The following CLSTN2 variants were observed in gnomAD, a reference collection of about 807,000 sequenced individuals.
CLSTN2 encodes the protein calsyntenin 2, also known as calsyntenin-2.
CLSTN2 carries 48 observed loss-of-function variants against 101.2 expected under a neutral mutation model. The ratio of observed to expected loss-of-function variants is 0.47; its 90% CI spans 0.38 to 0.60. The LOEUF (loss-of-function observed/expected upper bound fraction) is 0.60, where lower values mean the gene tolerates loss of function less well. Among genes scored for constraint, CLSTN2 ranks in the 20% least tolerant of loss-of-function variants. CLSTN2 has a pLI of 0.00. For missense variants in CLSTN2, 1,160 were observed against 1,238.2 expected, an observed-to-expected ratio of 0.94 and a Z score of 0.95; for synonymous variants, 481 against 463.6, an observed-to-expected ratio of 1.04 and a Z score of -0.48.
At chr3:140,406,288 G>T (rs956165534) in intron 4 of CLSTN2, among the ~76,000 whole-genome samples, 3 of 152,170 alleles carry the variant, frequency 2.0e-5, no homozygotes, top group African/African-American at 7.2e-5. Context: ...TAGAAGTGAA[G>T]GAGACACTCT....
intron 2 of CLSTN2, among the ~76,000 whole-genome samples, chr3:140,297,132 T>C (rs2087012292): frequency 6.6e-6 from 1 of 152,248 alleles, no homozygotes; most frequent in African/African-American, 2.4e-5. Flanking sequence ...TTTTTTTGAC[T>C]AAGAAACATC....
intron 2 of CLSTN2, among the ~76,000 whole-genome samples, chr3:140,374,294 TCC>T (rs1184642492): frequency 2.6e-5 from 4 of 152,184 alleles, no homozygotes; most frequent in Non-Finnish European, 4.4e-5. Flanking sequence ...TCCCATCTCC[TCC>T]TCCTTTTTTT....
At position 140,421,264 on chromosome 3, in the gene CLSTN2, T is replaced by C; in HGVS notation, c.777T>C (p.Pro259=). The change falls in exon 5 of 17, where the codon CCT becomes CCC. Residue 259 remains proline, a synonymous_variant. Coordinates refer to ENST00000458420, the MANE Select transcript of CLSTN2 (RefSeq NM_022131.3). ...TGGATGTGAAGCCAGTTTGCAAGCCTGGCTGGCAAGGTGGGCCTGTTTTAT... is the reference window on the plus strand; with the variant it reads ...TGGATGTGAAGCCAGTTTGCAAGCCCGGCTGGCAAGGTGGGCCTGTTTTAT... The part of the protein sequence containing the change: ...VQVDVKPVCK[P]GWQDWTKRIE... The C allele has an allele frequency of 6.2e-7, 1 of 1,614,160 alleles. No individual in the cohort carries two copies. The highest frequency in any genetic ancestry group is 1.1e-5 in the South Asian group (1 of 91,074).
chr3:140,300,803 G>GAT (rs60965465), intron 2 of CLSTN2, among the ~76,000 whole-genome samples: 25,489 of 151,424 alleles, frequency 0.17, 2,472 homozygotes, highest in East Asian at 0.37. Context: ...ACCAGTAGGC[G>GAT]ATATATATAT....
chr3:140,248,731 C>T (rs2086537938), intron 2 of CLSTN2, among the ~76,000 whole-genome samples: 2 of 152,164 alleles, frequency 1.3e-5, no homozygotes, highest in Non-Finnish European at 2.9e-5. Flanking sequence ...AGAATTCCTC[C>T]AGTTGAGTGC....
chr3:140,231,304 G>A (rs547673436), intron 2 of CLSTN2, among the ~76,000 whole-genome samples: 5 of 152,096 alleles, frequency 3.3e-5, no homozygotes, highest in Non-Finnish European at 5.9e-5. Flanking sequence ...CATCTACTGC[G>A]GGAGTTCCAT....
At chr3:140,038,425 G>A (rs556790616) in intron 1 of CLSTN2, among the ~76,000 whole-genome samples, 1 of 151,812 alleles carries the variant, frequency 6.6e-6, no homozygotes, top group South Asian at 2.1e-4. Flanking sequence ...TAAGTTCCTT[G>A]TAGACTCTGG....
intron 2 of CLSTN2, among the ~76,000 whole-genome samples, chr3:140,262,260 T>A (rs1475615631): frequency 6.6e-6 from 1 of 152,118 alleles, no homozygotes; most frequent in African/African-American, 2.4e-5. Context: ...AAGCTCAGCA[T>A]GTGAGTGGTG....
chr3:140,035,891 A>G (rs535366971), intron 1 of CLSTN2, among the ~76,000 whole-genome samples: 2 of 152,164 alleles, frequency 1.3e-5, no homozygotes, highest in East Asian at 3.9e-4. Flanking sequence ...CTACCTTTGG[A>G]GCTCTTTTCT....
rs34255504 is a variant in CLSTN2, at chr3:140,411,137, T to C, written c.637+6371T>C. Among the ~76,000 whole-genome samples the C allele has an allele frequency of 6.4e-3, 973 of 152,298 alleles. 8 individuals are homozygous for C. The highest frequency in any genetic ancestry group is 0.018 in the African/African-American group (750 of 41,578). On this transcript the variant is annotated intron_variant, in intron 4 of 16. Transcript: ENST00000458420. ...GACTAAATGCATCTATCAAAAGGCATAGAGTGGATCAAACAAGACCCAACT... is the reference window on the plus strand; with the variant it reads ...GACTAAATGCATCTATCAAAAGGCACAGAGTGGATCAAACAAGACCCAACT...
intron 10 of CLSTN2, among the ~76,000 whole-genome samples, chr3:140,553,793 T>C (rs6778832): frequency 1.6e-4 from 24 of 152,048 alleles, no homozygotes; most frequent in African/African-American, 5.8e-4. Context: ...GTCATGTGAC[T>C]CTGGCCACCT....
chr3:140,251,855 TG>T (rs1313104475), intron 2 of CLSTN2, among the ~76,000 whole-genome samples: 1 of 151,934 alleles, frequency 6.6e-6, no homozygotes, highest in African/African-American at 2.4e-5. Flanking sequence ...GTGTGGAGCC[TG>T]AAAGAAAGGA....
chr3:140,220,297 T>C (rs2107852306), intron 2 of CLSTN2, among the ~76,000 whole-genome samples: 1 of 152,322 alleles, frequency 6.6e-6, no homozygotes, highest in South Asian at 2.1e-4. Flanking sequence ...CAATCCTATA[T>C]ATGTCAGTAT....
At chr3:140,445,839 G>A (rs578172650) in intron 5 of CLSTN2, among the ~76,000 whole-genome samples, 3 of 152,278 alleles carry the variant, frequency 2.0e-5, no homozygotes, top group South Asian at 2.1e-4. Flanking sequence ...CCACTAGTGA[G>A]CATCTACTCT....
chr3:140,494,710 C>T (rs1013057808), intron 8 of CLSTN2, among the ~76,000 whole-genome samples: 2 of 152,088 alleles, frequency 1.3e-5, no homozygotes, highest in Non-Finnish European at 2.9e-5. Context: ...TGAGAACATG[C>T]ATGTTTTGTT....
intron 1 of CLSTN2, among the ~76,000 whole-genome samples, chr3:139,998,731 G>C (rs1485407760): frequency 6.6e-6 from 1 of 152,034 alleles, no homozygotes; most frequent in Non-Finnish European, 1.5e-5. Context: ...CATAAATCAA[G>C]ACCAGGGCAG....
Position 140,558,678 on chromosome 3 carries a change from T to C in CLSTN2, c.1862T>C (p.Val621Ala). ...GEDVCISIPE[V>A]DAYVMVLQAI... is the part of the protein sequence containing the mutation. ...GACGTATGCATCAGTATCCCTGAGG[T>C]AGATGCCTATGTGATGGTCCTCCAG... The change falls in exon 12 of 17, where the codon GTA becomes GCA. Residue 621 changes from valine (V) to alanine (A), a missense_variant. Val to Ala is a moderately conservative substitution (Grantham distance 64, BLOSUM62 0). Coordinates refer to ENST00000458420, the MANE Select transcript of CLSTN2 (RefSeq NM_022131.3). The C allele has an allele frequency of 6.2e-7, 1 of 1,613,944 alleles. No homozygotes were observed. Among genetic ancestry groups the C allele is most frequent in the Non-Finnish European group, 8.5e-7 (1 of 1,179,984 alleles).
intron 2 of CLSTN2, among the ~76,000 whole-genome samples, chr3:140,286,646 C>A (rs2107900188): frequency 6.6e-6 from 1 of 152,304 alleles, no homozygotes; most frequent in South Asian, 2.1e-4. Flanking sequence ...CCATGTTTCT[C>A]ATCTCTCTCA....
intron 2 of CLSTN2, among the ~76,000 whole-genome samples, chr3:140,339,217 A>T (rs760824665): frequency 6.6e-6 from 1 of 152,076 alleles, no homozygotes; most frequent in South Asian, 2.1e-4. Context: ...AATTTTTTCC[A>T]TTTGGACTAT....
Sources: allele counts gnomAD v4.1 joint callset (sites outside exome capture counted in the v4.1 genomes callset), GRCh38; gene constraint gnomAD v4.1.1; transcripts MANE v1.5; gene names NCBI Gene and HGNC (gene_info 2026-07-23, HGNC 2026-07-21).